Variants in PTPN3 observed in about 807,000 individuals in gnomAD.
PTPN3 encodes the protein protein tyrosine phosphatase non-receptor type 3.
Under a neutral mutation model 132.7 loss-of-function variants are expected in PTPN3, and 96 were observed. That is an observed-to-expected ratio of 0.72 (90% CI 0.61 to 0.86). PTPN3 has a LOEUF of 0.86. Ranked by LOEUF, PTPN3 falls within the 40% of genes least tolerant of loss-of-function variation. The pLI is 0.00. For missense variants in PTPN3, 1,125 were observed against 1,159.6 expected, an observed-to-expected ratio of 0.97 and a Z score of 0.43; for synonymous variants, 398 against 429.0, an observed-to-expected ratio of 0.93 and a Z score of 0.89.
chr9:109,457,966 C>A (rs1845651358), intron 2 of PTPN3, among the ~76,000 whole-genome samples: 1 of 152,246 alleles, frequency 6.6e-6, no homozygotes, highest in African/African-American at 2.4e-5. Flanking sequence ...CCCTTCCCAT[C>A]ATCTGAAGTG....
intron 1 of PTPN3, among the ~76,000 whole-genome samples, 192 bp from the exon 2 acceptor site, chr9:109,463,643 T>C (rs1845958168): frequency 6.6e-6 from 1 of 152,232 alleles, no homozygotes; most frequent in Non-Finnish European, 1.5e-5. Flanking sequence ...TATTGCTAAA[T>C]TGTACGTTCA....
chr9:109,517,011 G>A, the PTPN3 span, among the ~76,000 whole-genome samples: 129 of 152,312 alleles, frequency 8.5e-4, no homozygotes, highest in Middle Eastern at 0.01. Flanking sequence ...TCCGTAGGCA[G>A]CTGAATACTC....
the PTPN3 span, among the ~76,000 whole-genome samples, chr9:109,504,276 AC>A: frequency 1.3e-5 from 2 of 152,192 alleles, no homozygotes; most frequent in African/African-American, 4.8e-5. Context: ...GGTATCAGGC[AC>A]CAGACCCGTA....
At chr9:109,405,009 T>G (rs1841441506) in intron 18 of PTPN3, among the ~76,000 whole-genome samples, 1 of 152,188 alleles carries the variant, frequency 6.6e-6, no homozygotes, top group Non-Finnish European at 1.5e-5. Context: ...AAATGGGCAT[T>G]TCCTCAGGCA....
chr9:109,515,416 A>C, the PTPN3 span, among the ~76,000 whole-genome samples: 2 of 152,192 alleles, frequency 1.3e-5, no homozygotes, highest in South Asian at 4.2e-4. Flanking sequence ...TGCTGAGCGC[A>C]GGGGGGGTCT....
At chr9:109,490,176 C>A (rs899500317) in intron 1 of PTPN3, among the ~76,000 whole-genome samples, 1 of 151,836 alleles carries the variant, frequency 6.6e-6, no homozygotes, top group Non-Finnish European at 1.5e-5. Context: ...GAGCAAGACT[C>A]CATCTCAAAA....
chr9:109,403,870 G>C (rs78424603), intron 19 of PTPN3, among the ~76,000 whole-genome samples: 1 of 152,152 alleles, frequency 6.6e-6, no homozygotes, highest in Non-Finnish European at 1.5e-5. Context: ...TGAATCACAG[G>C]TTCCCCTGGG....
In PTPN3 at chr9:109,381,721, G is replaced by T; in HGVS notation, c.2595C>A (p.Asn865Lys). The change falls in exon 25 of 26, where the codon AAC (asparagine) becomes AAA (lysine). Residue 865 changes from asparagine to lysine, a missense_variant. By Grantham distance (94) the Asn-to-Lys change is moderately conservative. Coordinates refer to ENST00000374541, the MANE Select transcript of PTPN3 (RefSeq NM_002829.4). ...CAATATCCAGTGGGTAAATGGGCAG[G>T]TTCCTCTCAGTTAGGCACATGGCTG... ...METAMCLTER[N>K]LPIYPLDIVR... The T allele has an allele frequency of 6.2e-7, 1 of 1,614,152 alleles. No homozygotes were observed. Among genetic ancestry groups the T allele is most frequent in the Non-Finnish European group, 8.5e-7 (1 of 1,179,968 alleles).
At chr9:109,437,446 C>T (rs2131932660) in intron 8 of PTPN3, among the ~76,000 whole-genome samples, 1 of 152,292 alleles carries the variant, frequency 6.6e-6, no homozygotes, top group Non-Finnish European at 1.5e-5. Context: ...CACTTGGTTG[C>T]CTGGCCTTTG....
At chr9:109,397,592 G>A (rs1840703398) in intron 19 of PTPN3, 1 of 152,196 alleles carries the variant, frequency 6.6e-6, no homozygotes, top group African/African-American at 2.4e-5. Flanking sequence ...CAGCCAGAGG[G>A]CAAGAGAAAC....
intron 17 of PTPN3, 132 bp from the exon 18 acceptor site, chr9:109,406,750 T>G: frequency 9.1e-7 from 1 of 1,094,278 alleles, no homozygotes. Context: ...GGTAGTACTG[T>G]CATTATTTGT....
chr9:109,474,628 GA>G (rs1275397764), intron 1 of PTPN3, among the ~76,000 whole-genome samples: 1 of 152,130 alleles, frequency 6.6e-6, no homozygotes, highest in Admixed American at 6.5e-5. Context: ...GGTTGGGGGG[GA>G]AAATGCACGC....
chr9:109,528,975 T>G, the PTPN3 span, among the ~76,000 whole-genome samples: 7 of 152,226 alleles, frequency 4.6e-5, no homozygotes, highest in Admixed American at 2.6e-4. Flanking sequence ...TTCTTTGACT[T>G]TAGAAATCTC....
intron 16 of PTPN3, among the ~76,000 whole-genome samples, chr9:109,409,025 C>A (rs1035451447): frequency 4.0e-5 from 6 of 151,528 alleles, no homozygotes; most frequent in African/African-American, 1.2e-4. Flanking sequence ...CGACCACCTG[C>A]CCTCACTTTG....
intron 19 of PTPN3, among the ~76,000 whole-genome samples, chr9:109,402,554 T>A (rs566911985): frequency 6.6e-6 from 1 of 152,202 alleles, no homozygotes; most frequent in African/African-American, 2.4e-5. Flanking sequence ...GCTGGGATTA[T>A]AGGTGTGAGC....
At position 109,379,697 on chromosome 9, in the gene PTPN3, T is replaced by TAAAG. The variant is rs1838863527; in HGVS notation, c.2665-65_2665-64insCTTT. 2.2e-6 allele frequency: 3 copies of TAAAG among 1,345,392 alleles called. No individual in the cohort carries two copies. The African/African-American group carries it at 4.3e-5, about 19-fold the overall frequency. 83.3% of individuals were successfully genotyped at this position (1,345,392 alleles called of 1,614,324 possible). A position where few individuals can be genotyped will look rare whatever the true frequency, so the allele number is the denominator to read the frequency against. ...AGGAAATGCTGCCTACCACACCCTG[T>TAAAG]ACCGGTGGGTCTTTTGCAGCATTTG... On this transcript the variant is annotated intron_variant, in intron 25 of 25. Transcript: ENST00000374541.
intron 1 of PTPN3, among the ~76,000 whole-genome samples, chr9:109,483,054 C>A (rs1847035145): frequency 6.6e-6 from 1 of 152,196 alleles, no homozygotes; most frequent in Non-Finnish European, 1.5e-5. Context: ...AATCTGGGCA[C>A]CTGTCCTTTC....
At chr9:109,505,376 G>C in the PTPN3 span, among the ~76,000 whole-genome samples, 1 of 152,218 alleles carries the variant, frequency 6.6e-6, no homozygotes, top group African/African-American at 2.4e-5. Flanking sequence ...GGGCTCAAGT[G>C]ATCTTCCTGC....
chr9:109,383,794 G>A (rs544556313), intron 22 of PTPN3, among the ~76,000 whole-genome samples: 10 of 152,222 alleles, frequency 6.6e-5, no homozygotes, highest in East Asian at 1.9e-4. Context: ...AGGACGCAGC[G>A]TCTTCATCAC....
Sources: allele counts gnomAD v4.1 joint callset (sites outside exome capture counted in the v4.1 genomes callset), GRCh38; gene constraint gnomAD v4.1.1; transcripts MANE v1.5; gene names NCBI Gene and HGNC (gene_info 2026-07-23, HGNC 2026-07-21).